Variants in SLC6A16 observed in about 807,000 individuals in gnomAD.
The protein encoded by SLC6A16 is orphan sodium- and chloride-dependent neurotransmitter transporter NTT5.
A neutral mutation model predicts 65.4 loss-of-function variants in SLC6A16; 54 were observed. The ratio of observed to expected loss-of-function variants is 0.83; its 90% CI spans 0.66 to 1.04. The LOEUF is 1.04. Ranked by LOEUF, SLC6A16 falls within the 50% of genes least tolerant of loss-of-function variation. The pLI, the probability that SLC6A16 is intolerant of heterozygous loss-of-function variation, is 0.00. For synonymous variants in SLC6A16, 330 were observed against 346.5 expected (o/e 0.95, Z 0.53); for missense variants, 816 against 914.0 (o/e 0.89, Z 1.38).
At chr19:49,338,102 A>G in the SLC6A16 span, 3 of 1,563,104 alleles carry the variant, frequency 1.9e-6, no homozygotes, top group East Asian at 7.0e-5. This position sits in a 1 kb window ranked among gnomAD's most constrained non-coding sequence, Gnocchi z 5.0. Context: ...ACTCCACCCC[A>G]ACGTGGGCCC....
the SLC6A16 span, chr19:49,337,375 A>T: frequency 1.3e-6 from 1 of 767,688 alleles, no homozygotes; most frequent in Non-Finnish European, 2.1e-6. Flanking sequence ...CACGCCTGTA[A>T]TCCCATAATC....
chr19:49,321,494 G>C (rs1011014826), intron 1 of SLC6A16, among the ~76,000 whole-genome samples: 1 of 151,982 alleles, frequency 6.6e-6, no homozygotes, highest in Admixed American at 6.6e-5. Context: ...CCAGCACTTT[G>C]GGAGGCCAAG....
intron 8 of SLC6A16, 129 bp downstream of exon 8, chr19:49,294,238 G>T (rs1970139828): frequency 1.0e-6 from 1 of 979,854 alleles, no homozygotes; most frequent in Non-Finnish European, 1.5e-6. Flanking sequence ...ATAGTACTTT[G>T]TATTACTGAG....
chr19:49,339,699 A>C, the SLC6A16 span: 2 of 1,401,296 alleles, frequency 1.4e-6, no homozygotes, highest in Non-Finnish European at 1.8e-6. This position sits in a 1 kb window ranked among gnomAD's most constrained non-coding sequence, Gnocchi z 4.5. Context: ...AGCGCAGGGC[A>C]CTCCGCCGGA....
chr19:49,337,164 G>A, the SLC6A16 span: 4 of 1,614,170 alleles, frequency 2.5e-6, no homozygotes, highest in Non-Finnish European at 3.4e-6. Flanking sequence ...GGATGCTGCT[G>A]CTCCTGTTTG....
At chr19:49,337,847 G>T in the SLC6A16 span, 1 of 1,600,830 alleles carries the variant, frequency 6.2e-7, no homozygotes, top group Non-Finnish European at 8.5e-7. Context: ...CACAGGGCCC[G>T]CCTGAGGCTG....
At chr19:49,294,079 A>G in intron 8 of SLC6A16, 51 bp from the exon 9 acceptor site, 1 of 1,450,952 alleles carries the variant, frequency 6.9e-7, no homozygotes, top group South Asian at 1.2e-5. Flanking sequence ...AAACAATAAC[A>G]AAAAAATATA....
intron 7 of SLC6A16, among the ~76,000 whole-genome samples, chr19:49,299,124 T>C (rs982229945): frequency 1.3e-5 from 2 of 151,762 alleles, no homozygotes; most frequent in Admixed American, 1.3e-4. Context: ...TGGGCGCCTG[T>C]AGTCCCAGCT....
intron 7 of SLC6A16, among the ~76,000 whole-genome samples, chr19:49,298,987 C>A (rs1024884782): frequency 6.6e-6 from 1 of 152,154 alleles, no homozygotes; most frequent in Non-Finnish European, 1.5e-5. Context: ...TGGCTCACAC[C>A]TGTAATCCCA....
At chr19:49,326,794 G>A (rs1231006489), upstream of SLC6A16, among the ~76,000 whole-genome samples, 13 of 152,110 alleles carry the variant, frequency 8.5e-5, no homozygotes, top group African/African-American at 2.7e-4. Flanking sequence ...CAAGGTGGGC[G>A]GATCACATGA....
Position 49,293,381 on chromosome 19 carries a change from C to T in SLC6A16, c.1620G>A (p.Val540=). The change falls in exon 10 of 12, where the codon GTG becomes GTA. Residue 540 remains valine (V), a splice_region_variant and synonymous_variant. Coordinates refer to ENST00000335875, the MANE Select transcript of SLC6A16 (RefSeq NM_014037.3). ...ACACGAACATGAGCAAAAAGACTCC[C>T]ACTGGAGAAAACATGAGATCTGGAT... The part of the protein sequence containing the change: ...FFRKHTKLLI[V]GVFLLMFVCG... 2 of 1,614,012 alleles carry T rather than the reference C, an allele frequency of 1.2e-6. No homozygotes were observed. The highest frequency in any genetic ancestry group is 1.7e-6 in the Non-Finnish European group (2 of 1,179,986).
chr19:49,319,601 A>T (rs77372048), intron 1 of SLC6A16, among the ~76,000 whole-genome samples: 1 of 151,966 alleles, frequency 6.6e-6, no homozygotes, highest in Admixed American at 6.6e-5. Flanking sequence ...ATAAAAGGAC[A>T]GTTCTACAAT....
rs1364729580 is a variant in SLC6A16 at position 49,310,166 on chromosome 19, C to A, written c.574G>T (p.Val192Leu). 1.2e-6 allele frequency: 2 copies of A among 1,613,980 alleles called. No individual in the cohort carries two copies. Among genetic ancestry groups the A allele is most frequent in the Non-Finnish European group, 1.7e-6 (2 of 1,179,998 alleles). Reference protein sequence around the residue: ...IGGVGYSSFMVCFILGLYFNV... With the variant: ...IGGVGYSSFMLCFILGLYFNV... ...AAGTACAGGCCGAGGATGAAGCACA[C>A]CTGGGGGCCAAGGAGGATATGGCTG... The change falls in exon 4 of 12, where the codon GTG becomes TTG. Residue 192 changes from valine to leucine, a missense_variant and splice_region_variant. Transcript: ENST00000335875.
At chr19:49,302,205 C>T (rs1970304257) in intron 7 of SLC6A16, among the ~76,000 whole-genome samples, 1 of 152,198 alleles carries the variant, frequency 6.6e-6, no homozygotes, top group South Asian at 2.1e-4. Flanking sequence ...CTTGTGCCTA[C>T]AGCCAGCCTC....
At chr19:49,340,132 T>A in the SLC6A16 span, 1 of 1,530,190 alleles carries the variant, frequency 6.5e-7, no homozygotes, top group Non-Finnish European at 8.9e-7. Context: ...TATCCCCTTC[T>A]CCAGCCCCTT....
chr19:49,328,386 G>T (rs951446842), upstream of SLC6A16, among the ~76,000 whole-genome samples: 1 of 152,156 alleles, frequency 6.6e-6, no homozygotes, highest in African/African-American at 2.4e-5. Flanking sequence ...CCTCCACCTG[G>T]TCTCTCCTTT....
chr19:49,338,625 C>G, the SLC6A16 span: 1 of 1,089,938 alleles, frequency 9.2e-7, no homozygotes, highest in African/African-American at 1.5e-5. This position sits in a 1 kb window ranked among gnomAD's most constrained non-coding sequence, Gnocchi z 5.0. Flanking sequence ...GACCTCATAC[C>G]CATCACCTTG....
chr19:49,304,524 G>C (rs372362739), intron 7 of SLC6A16, among the ~76,000 whole-genome samples: 8 of 152,106 alleles, frequency 5.3e-5, no homozygotes, highest in Non-Finnish European at 2.9e-5. Context: ...TCAGCACTTC[G>C]GGAGGCTGAG....
intron 7 of SLC6A16, among the ~76,000 whole-genome samples, chr19:49,298,428 CAAA>C (rs762954340): frequency 2.4e-4 from 36 of 152,066 alleles, no homozygotes; most frequent in Non-Finnish European, 4.9e-4. Flanking sequence ...AAAAAATGGG[CAAA>C]GGACATGAAC....
Sources: gnomAD v4.1 joint callset for allele counts (sites outside exome capture counted in the v4.1 genomes callset) on GRCh38, gnomAD v4.1.1 for gene constraint, Gnocchi (gnomAD v3.1) non-coding constraint, MANE v1.5 for transcripts, NCBI Gene and HGNC (gene_info 2026-07-23, HGNC 2026-07-21) for gene names.